Variants in GULP1 observed in about 807,000 individuals in gnomAD.
GULP1 encodes PTB domain-containing engulfment adapter protein 1.
A neutral mutation model predicts 40.9 loss-of-function variants in GULP1; 19 were observed. The observed-to-expected ratio is 0.46, with a 90% CI of 0.32 to 0.68. GULP1 has a LOEUF of 0.68. Among genes scored for constraint, GULP1 ranks in the 30% least tolerant of loss-of-function variants. GULP1 has a pLI of 0.03. For synonymous variants in GULP1, 119 were observed against 117.6 expected, an observed-to-expected ratio of 1.01 and a Z score of -0.08; for missense variants, 312 against 362.2, an observed-to-expected ratio of 0.86 and a Z score of 1.12.
rs140721692 is a variant in GULP1, at chr2:188,557,337, T to C, written c.400-11902T>C. ...GCAAAATCCAAAGCAAGTTAATTAATTCCAACATACAATGGGAGTACAAGT... is the reference window on the plus strand; with the variant it reads ...GCAAAATCCAAAGCAAGTTAATTAACTCCAACATACAATGGGAGTACAAGT... On this transcript the variant is annotated intron_variant, in intron 7 of 11. Coordinates refer to ENST00000409830, the MANE Select transcript of GULP1 (RefSeq NM_016315.4). Among the ~76,000 whole-genome samples, 46 of 152,354 alleles carry C rather than the reference T, an allele frequency of 3.0e-4. No individual in the cohort carries two copies. The East Asian group carries it at 3.9e-3, about 13-fold the overall frequency.
intron 1 of GULP1, among the ~76,000 whole-genome samples, chr2:188,343,126 T>C (rs2043181938): frequency 6.6e-6 from 1 of 152,114 alleles, no homozygotes; most frequent in Non-Finnish European, 1.5e-5. Flanking sequence ...CTGGATGTTA[T>C]TCTCAGCATT....
intron 4 of GULP1, among the ~76,000 whole-genome samples, chr2:188,511,638 T>C (rs1370285094): frequency 1.3e-5 from 2 of 152,282 alleles, no homozygotes; most frequent in South Asian, 2.1e-4. Context: ...TGAACACAGT[T>C]TCTTGTTTAT....
chr2:188,477,566 T>C (rs2061113396), intron 2 of GULP1, 93 bp from the exon 3 acceptor site: 2 of 644,488 alleles, frequency 3.1e-6, no homozygotes, highest in South Asian at 4.3e-5. Context: ...TTTTTAAAAA[T>C]TTAAAAAGCC....
intron 1 of GULP1, among the ~76,000 whole-genome samples, chr2:188,306,413 G>A (rs1206887277): frequency 6.6e-6 from 1 of 151,804 alleles, no homozygotes; most frequent in Non-Finnish European, 1.5e-5. Context: ...TCTTTCTTTG[G>A]TAAGTTAAAC....
intron 6 of GULP1, among the ~76,000 whole-genome samples, chr2:188,531,786 A>G (rs1031577385): frequency 2.8e-4 from 43 of 152,226 alleles, no homozygotes; most frequent in African/African-American, 1.0e-3. Context: ...GCAATAAATT[A>G]CAGAAGGACA....
At chr2:188,435,193 A>G (rs975931594) in intron 2 of GULP1, among the ~76,000 whole-genome samples, 8 of 151,928 alleles carry the variant, frequency 5.3e-5, no homozygotes, top group Admixed American at 1.3e-4. Context: ...TTTACCTTTA[A>G]TATAAGACTT....
rs2061134355 is a variant in GULP1 at position 188,477,782 on chromosome 2, A to T, written c.28+52A>T. 3.0e-6 allele frequency: 4 copies of T among 1,340,018 alleles called. 1 individual carries two copies. Among genetic ancestry groups the T allele is most frequent in the South Asian group, 2.6e-5 (2 of 77,398 alleles). 83.0% of individuals were successfully genotyped at this position (1,340,018 alleles called of 1,614,324 possible). Reference sequence around the variant, plus strand: ...GGGAGTCAAGCCAATGTTGCTATGAACATAAGCAGCGATGTTAAGAAATCA... The same window carrying T: ...GGGAGTCAAGCCAATGTTGCTATGATCATAAGCAGCGATGTTAAGAAATCA... On this transcript the variant is annotated intron_variant, in intron 3 of 11. Coordinates refer to ENST00000409830, the MANE Select transcript of GULP1 (RefSeq NM_016315.4).
At chr2:188,508,722 G>T in intron 4 of GULP1, among the ~76,000 whole-genome samples, 1 of 151,786 alleles carries the variant, frequency 6.6e-6, no homozygotes. Context: ...AAAAAAAATG[G>T]CCCTTGTGGA....
intron 4 of GULP1, among the ~76,000 whole-genome samples, chr2:188,500,521 G>T (rs1394655560): frequency 6.6e-6 from 1 of 151,908 alleles, no homozygotes; most frequent in Non-Finnish European, 1.5e-5. Flanking sequence ...ATTGTAGGAT[G>T]TTAATAATCT....
intron 1 of GULP1, among the ~76,000 whole-genome samples, chr2:188,355,552 A>G (rs922710830): frequency 2.6e-5 from 4 of 152,058 alleles, no homozygotes; most frequent in Admixed American, 2.0e-4. Flanking sequence ...CCACCAAAGA[A>G]AATTCTAGGA....
At chr2:188,441,165 A>G (rs946102882) in intron 2 of GULP1, among the ~76,000 whole-genome samples, 1 of 152,168 alleles carries the variant, frequency 6.6e-6, no homozygotes, top group Non-Finnish European at 1.5e-5. Context: ...TAGTGCTTTA[A>G]TATTTACAAA....
intron 2 of GULP1, among the ~76,000 whole-genome samples, chr2:188,386,711 G>A (rs2049807461): frequency 1.3e-5 from 2 of 152,132 alleles, no homozygotes; most frequent in South Asian, 4.1e-4. Context: ...TTATTGCTGA[G>A]TTTACCGGTA....
intron 4 of GULP1, among the ~76,000 whole-genome samples, chr2:188,484,584 G>A (rs1366909200): frequency 6.6e-6 from 1 of 151,204 alleles, no homozygotes; most frequent in Non-Finnish European, 1.5e-5. Context: ...TTATGGATTA[G>A]TGAAGTATAC....
intron 3 of GULP1, among the ~76,000 whole-genome samples, chr2:188,481,270 G>GGA (rs2061427056): frequency 6.6e-6 from 1 of 151,820 alleles, no homozygotes; most frequent in African/African-American, 2.4e-5. Context: ...TAGTGACCAA[G>GGA]GACCAGCATG....
At chr2:188,450,414 A>G (rs1029062198) in intron 2 of GULP1, among the ~76,000 whole-genome samples, 1 of 152,162 alleles carries the variant, frequency 6.6e-6, no homozygotes, top group Non-Finnish European at 1.5e-5. Context: ...TCTTGCCAAT[A>G]TATGAAATAG....
intron 1 of GULP1, among the ~76,000 whole-genome samples, chr2:188,379,781 A>C (rs1574871405): frequency 6.6e-6 from 1 of 152,254 alleles, no homozygotes; most frequent in South Asian, 2.1e-4. Flanking sequence ...ATTTTAAAAT[A>C]AAATATTCTA....
At chr2:188,544,843 T>C (rs1174567326) in intron 7 of GULP1, among the ~76,000 whole-genome samples, 1 of 152,010 alleles carries the variant, frequency 6.6e-6, no homozygotes, top group Admixed American at 6.6e-5. Flanking sequence ...TTGAAAACTT[T>C]CCCGATTTGA....
intron 2 of GULP1, among the ~76,000 whole-genome samples, chr2:188,412,596 A>G (rs563411603): frequency 4.6e-5 from 7 of 152,284 alleles, no homozygotes; most frequent in African/African-American, 1.7e-4. Context: ...GGACACAGCC[A>G]AACCATATCA....
intron 2 of GULP1, among the ~76,000 whole-genome samples, chr2:188,413,397 G>T (rs1161039208): frequency 6.6e-6 from 1 of 152,168 alleles, no homozygotes; most frequent in African/African-American, 2.4e-5. Flanking sequence ...GTGTGAGATG[G>T]TATCTCATTG....
Sources: allele counts gnomAD v4.1 joint callset (sites outside exome capture counted in the v4.1 genomes callset), GRCh38; gene constraint gnomAD v4.1.1; transcripts MANE v1.5; gene names NCBI Gene and HGNC (gene_info 2026-07-23, HGNC 2026-07-21).